The following ZBED1 variants were observed in gnomAD, a reference collection of about 807,000 sequenced individuals.
ZBED1 encodes zinc finger BED-type containing 1.
A neutral mutation model predicts 49.7 loss-of-function variants in ZBED1; 19 were observed. That is an observed-to-expected ratio of 0.38 (90% confidence interval 0.27 to 0.56). The LOEUF is 0.56. Ranked by LOEUF, ZBED1 falls within the 20% of genes least tolerant of loss-of-function variation. ZBED1 has a pLI of 0.70. For missense variants in ZBED1, 806 were observed against 972.6 expected, an observed-to-expected ratio of 0.83 and a Z score of 2.28; for synonymous variants, 439 against 440.3, an observed-to-expected ratio of 1.00 and a Z score of 0.04.
At chrX:2,499,745 C>CA (rs2045368286) in intron 1 of ZBED1, among the ~76,000 whole-genome samples, 1 of 151,898 alleles carries the variant, frequency 6.6e-6, no homozygotes. Context: ...TATTGCTACA[C>CA]AAAAAAATTA....
chrX:2,495,249 G>A (rs1011584677), intron 1 of ZBED1, among the ~76,000 whole-genome samples: 5 of 150,832 alleles, frequency 3.3e-5, no homozygotes, highest in African/African-American at 7.3e-5. Flanking sequence ...GTTCCAGGAC[G>A]TGAAGCAAAG....
rs1273240077 is a variant in ZBED1 at position 2,500,949 on chromosome X, C to G, written c.-186G>C. 2.2e-5 allele frequency: 23 copies of G among 1,027,026 alleles called. No homozygotes were observed. The East Asian group carries it at 1.6e-3, about 73-fold the overall frequency. The allele number at this position is 1,027,026 out of a possible 1,614,324, so 63.6% of individuals were successfully genotyped here. A position where few individuals can be genotyped will look rare whatever the true frequency, so the allele number is the denominator to read the frequency against. ...ATGGCTGCCCCGGCCGCGCCGCCGC[C>G]GCTTCCGCGCCGCCCGCGGGACTCT... On this transcript the variant is annotated 5_prime_UTR_variant, in exon 1 of 2. Coordinates refer to ENST00000652001, the MANE Select transcript of ZBED1 (RefSeq NM_001171136.2).
In ZBED1 at chrX:2,490,242, AC is replaced by A; in HGVS notation, c.477del (p.Tyr160MetfsTer24). 6.2e-7 allele frequency: 1 copy of A among 1,613,774 alleles called. No homozygotes were observed. The highest frequency in any genetic ancestry group is 8.5e-7 in the Non-Finnish European group (1 of 1,179,840). On this transcript the variant is annotated frameshift_variant, in exon 2 of 2. Coordinates refer to ENST00000652001, the MANE Select transcript of ZBED1 (RefSeq NM_001171136.2). LOFTEE classifies it high-confidence loss of function. ...FKVLLKTADP[R>X]YELPSRKYIS... ...ATGTACTTCCGGCTGGGCAGCTCAT[AC>A]CGGGGGTCGGCCGTCTTCAGCAGCA...
intron 1 of ZBED1, among the ~76,000 whole-genome samples, chrX:2,492,506 A>G (rs1000838211): frequency 3.5e-4 from 54 of 152,150 alleles, no homozygotes; most frequent in Non-Finnish European, 7.3e-4. Context: ...AAAGCCCAGG[A>G]TGTGGAATGA....
Position 2,490,141 on chromosome X carries a change from C to A in ZBED1, c.579G>T (p.Trp193Cys). The A allele has an allele frequency of 6.2e-7, 1 of 1,613,956 alleles. No homozygotes were observed. Among genetic ancestry groups the A allele is most frequent in the Non-Finnish European group, 8.5e-7 (1 of 1,179,878 alleles). Residue 193 changes from tryptophan (W) to cysteine (C), a missense_variant, in exon 2 of 2, where the codon TGG (tryptophan) becomes TGT (cysteine). Physicochemically the swap from Trp to Cys is radical, Grantham distance 215 (BLOSUM62 -2). Around this residue, in one of 2 missense-constraint regions of ZBED1, gnomAD observed 749 missense variants for 861.3 expected, o/e 0.87. Transcript: ENST00000652001. ...TCCACATGTCGGTGGAGATGCCACA[C>A]CAGGTGGCCTCGGCCAGCTCCTTCA... ...VILKELAEAT[W>C]CGISTDMWRS...
At chrX:2,498,420 C>T (rs1009711000) in intron 1 of ZBED1, among the ~76,000 whole-genome samples, 7 of 152,196 alleles carry the variant, frequency 4.6e-5, no homozygotes, top group African/African-American at 1.7e-4. Context: ...CCAAGGACAA[C>T]AGCATTCCTC....
Position 2,489,892 on chromosome X carries a change from C to T in ZBED1, c.828G>A (p.Val276=). 6.2e-7 allele frequency: 1 copy of T among 1,613,892 alleles called. No individual in the cohort carries two copies. Among genetic ancestry groups the T allele is most frequent in the South Asian group, 1.1e-5 (1 of 91,078 alleles). Residue 276 remains valine (V), a synonymous_variant, in exon 2 of 2, where the codon GTG becomes GTA. Transcript: ENST00000652001. The part of the protein sequence containing the change: ...GATTNYGKDI[V]KACSLLDVAV... ...CGACGTCCAGCAGGGAGCACGCCTTCACGATGTCCTTGCCATAGTTGGTGG... is the reference window on the plus strand; with the variant it reads ...CGACGTCCAGCAGGGAGCACGCCTTTACGATGTCCTTGCCATAGTTGGTGG...
At chrX:2,491,151 C>A (rs761418342) in intron 1 of ZBED1, among the ~76,000 whole-genome samples, 1 of 147,158 alleles carries the variant, frequency 6.8e-6, no homozygotes, top group South Asian at 2.2e-4. Flanking sequence ...CTCACTGCAA[C>A]CTCCGCCTCC....
At chrX:2,495,897 C>T (rs1224095209) in intron 1 of ZBED1, among the ~76,000 whole-genome samples, 1 of 152,100 alleles carries the variant, frequency 6.6e-6, no homozygotes, top group African/African-American at 2.4e-5. Context: ...CAGAACGACA[C>T]GTCGCAAGAG....
chrX:2,489,508 G>A lies in ZBED1; in HGVS notation c.1212C>T (p.Phe404=). 1 of 1,613,318 alleles carries A rather than the reference G, an allele frequency of 6.2e-7. No homozygotes were observed. The highest frequency in any genetic ancestry group is 1.1e-5 in the South Asian group (1 of 91,038). ...CCGACAGCATCTCGGCCACCTGCTT[G>A]AAGGGCTGCAGGAGCTCCACCAGCC... ...IEGLVELLQP[F]KQVAEMLSAS... The change falls in exon 2 of 2, where the codon TTC becomes TTT. Residue 404 remains phenylalanine (F), a synonymous_variant. Transcript: ENST00000652001.
chrX:2,493,588 C>T (rs1010695261), intron 1 of ZBED1, among the ~76,000 whole-genome samples: 2 of 151,692 alleles, frequency 1.3e-5, no homozygotes, highest in African/African-American at 4.8e-5. Context: ...GGTCCCAGTA[C>T]CAGTAACAAA....
In ZBED1 at chrX:2,494,642, T is replaced by C. The variant is rs189287027; in HGVS notation, c.-53-3870A>G. On this transcript the variant is annotated intron_variant, in intron 1 of 1. Coordinates refer to ENST00000652001, the MANE Select transcript of ZBED1 (RefSeq NM_001171136.2). The stretch of plus-strand genomic sequence containing the variant: ...TATGTTCTATTATTATCATTATTAT[T>C]ATTATTTGGCTCACAGGTGTCCCAG... 3.7e-4 allele frequency among the ~76,000 whole-genome samples: 57 copies of C among 152,004 alleles called. 1 individual carries two copies. The highest frequency in any genetic ancestry group is 3.4e-3 in the Middle Eastern group (1 of 294).
Position 2,489,580 on chromosome X carries a change from G to A in ZBED1, c.1140C>T (p.Asn380=). The A allele has an allele frequency of 6.2e-7, 1 of 1,612,636 alleles. No homozygotes were observed. The highest frequency in any genetic ancestry group is 8.5e-7 in the Non-Finnish European group (1 of 1,179,818). ...TGGCCTCCAGCATGAGGTGGTGGTT[G>A]TTGCTGTCCTCCACCAAGACCCCGG... ...VIAGVLVEDS[N]NHHLMLEASE... is the part of the protein sequence containing the mutation. Residue 380 remains asparagine, a synonymous_variant, in exon 2 of 2, where the codon AAC becomes AAT. Coordinates refer to ENST00000652001, the MANE Select transcript of ZBED1 (RefSeq NM_001171136.2).
chrX:2,500,222 C>CCAGA, intron 1 of ZBED1: 1 of 153,346 alleles, frequency 6.5e-6, no homozygotes, highest in East Asian at 1.9e-4. Flanking sequence ...GCCCTCCCCA[C>CCAGA]CAGACCTCCG....
rs770418143 is a variant in ZBED1, at chrX:2,488,625, C to T, written c.*10G>A. 28 of 1,583,714 alleles carry T rather than the reference C, an allele frequency of 1.8e-5. No homozygotes were observed. The highest frequency in any genetic ancestry group is 8.0e-5 in the South Asian group (7 of 87,136). On this transcript the variant is annotated 3_prime_UTR_variant, in exon 2 of 2. Coordinates refer to ENST00000652001, the MANE Select transcript of ZBED1 (RefSeq NM_001171136.2). ...TGCGGGGATGACTTGTAAGACAACA[C>T]GCTTCCTCGCTACAGGAAGCTGCTG...
At position 2,490,128 on chromosome X, in the gene ZBED1, T is replaced by C. The variant is rs899702738; in HGVS notation, c.592A>G (p.Thr198Ala). The C allele has an allele frequency of 1.9e-6, 3 of 1,613,776 alleles. No individual in the cohort carries two copies. In the African/African-American group the frequency reaches 4.0e-5, roughly 22 times the overall value. ...LAEATWCGISTDMWRSENQNR... is the reference protein window; with the variant it reads ...LAEATWCGISADMWRSENQNR... ...TGATTCTCACTCCTCCACATGTCGG[T>C]GGAGATGCCACACCAGGTGGCCTCG... The change falls in exon 2 of 2, where the codon ACC (threonine) becomes GCC (alanine). Residue 198 changes from threonine to alanine, a missense_variant. This residue lies in a region of ZBED1 where 749 missense variants were observed against 861.3 expected (regional missense o/e 0.87). Coordinates refer to ENST00000652001, the MANE Select transcript of ZBED1 (RefSeq NM_001171136.2).
At position 2,489,372 on chromosome X, in the gene ZBED1, C is replaced by A; in HGVS notation, c.1348G>T (p.Val450Phe). Residue 450 changes from valine (V) to phenylalanine (F), a missense_variant, in exon 2 of 2, where the codon GTC becomes TTC. Coordinates refer to ENST00000652001, the MANE Select transcript of ZBED1 (RefSeq NM_001171136.2). ...DSKELSMAKE[V>F]IAKELSKTYQ... is the part of the protein sequence containing the mutation. ...GTCTTGGAAAGCTCCTTGGCGATGA[C>A]CTCCTTGGCCATGCTGAGCTCCTTG... The A allele has an allele frequency of 2.7e-5, 43 of 1,613,958 alleles. No homozygotes were observed. The highest frequency in any genetic ancestry group is 3.6e-5 in the Non-Finnish European group (42 of 1,179,852).
chrX:2,494,765 A>G (rs939005335), intron 1 of ZBED1, among the ~76,000 whole-genome samples: 1 of 151,844 alleles, frequency 6.6e-6, no homozygotes, highest in African/African-American at 2.4e-5. Context: ...TTTATATTCC[A>G]CTATTATTAT....
intron 1 of ZBED1, among the ~76,000 whole-genome samples, chrX:2,495,531 C>T (rs1167835323): frequency 6.6e-6 from 1 of 152,144 alleles, no homozygotes; most frequent in Non-Finnish European, 1.5e-5. Context: ...CTCCCTCCCA[C>T]GTCTCCTGCT....
Sources: allele counts gnomAD v4.1 joint callset (sites outside exome capture counted in the v4.1 genomes callset), GRCh38; gene constraint gnomAD v4.1.1; regional missense constraint gnomAD v4.1.1; transcripts MANE v1.5; gene names NCBI Gene and HGNC (gene_info 2026-07-23, HGNC 2026-07-21).